Variants in VAV1 observed in about 807,000 individuals in gnomAD.
The protein encoded by VAV1 is vav guanine nucleotide exchange factor 1, also known as proto-oncogene vav.
A neutral mutation model predicts 128.1 loss-of-function variants in VAV1; 33 were observed. That is an observed-to-expected ratio of 0.26 (90% CI 0.20 to 0.34). The LOEUF (loss-of-function observed/expected upper bound fraction) is 0.34, where lower values mean the gene tolerates loss of function less well. VAV1 is among the 10% of genes least tolerant of loss of function. The probability of loss-of-function intolerance (pLI) is 1.00; values close to 1 mark genes in which losing one functional copy is unlikely to be tolerated. For synonymous variants in VAV1, 394 were observed against 409.8 expected (o/e 0.96, Z 0.47); for missense variants, 715 against 1,093.7 (o/e 0.65, Z 4.88).
At chr19:6,796,744 T>C (rs886230109) in intron 1 of VAV1, among the ~76,000 whole-genome samples, 4 of 152,138 alleles carry the variant, frequency 2.6e-5, no homozygotes, top group Non-Finnish European at 5.9e-5. Context: ...ACATTCTCCA[T>C]TCCTTTTCCT....
At chr19:6,832,671 T>C (rs548211384) in intron 15 of VAV1, among the ~76,000 whole-genome samples, 25 of 122,620 alleles carry the variant, frequency 2.0e-4, no homozygotes, top group African/African-American at 5.3e-4. Context: ...CCTCCTCCTC[T>C]TCCTCCTCTT....
At chr19:6,799,603 A>G (rs1599634167) in intron 1 of VAV1, among the ~76,000 whole-genome samples, 1 of 151,026 alleles carries the variant, frequency 6.6e-6, no homozygotes, top group African/African-American at 2.4e-5. Context: ...CCCTCTCCTA[A>G]CCCCCAGCCC....
At chr19:6,801,848 G>A (rs1971278792) in intron 1 of VAV1, among the ~76,000 whole-genome samples, 1 of 152,134 alleles carries the variant, frequency 6.6e-6, no homozygotes, top group Admixed American at 6.6e-5. Context: ...ATCTTGGGCA[G>A]GGGTTTTGTT....
At chr19:6,776,385 T>C (rs1385744904) in intron 1 of VAV1, among the ~76,000 whole-genome samples, 974 of 35,446 alleles carry the variant, frequency 0.027, no homozygotes, top group Admixed American at 0.032. Context: ...TCCATCCATC[T>C]ACCCATCCAC....
At position 6,857,224 on chromosome 19, in the gene VAV1, A is replaced by G; in HGVS notation, c.*117A>G. 7.0e-7 allele frequency: 1 copy of G among 1,418,454 alleles called. No individual in the cohort carries two copies. The highest frequency in any genetic ancestry group is 2.5e-4 in the Middle Eastern group (1 of 4,058). The allele number at this position is 1,418,454 out of a possible 1,614,324, so 87.9% of individuals were successfully genotyped here. On this transcript the variant is annotated 3_prime_UTR_variant, in exon 27 of 27. Coordinates refer to ENST00000602142, the MANE Select transcript of VAV1 (RefSeq NM_005428.4). The stretch of plus-strand genomic sequence containing the variant: ...GGGTGGAGACTTTGGGATGGACTGG[A>G]GGAGGCCAGCGTCCAGCTGGCGGTG...
intron 26 of VAV1, 108 bp from the exon 27 acceptor site, chr19:6,856,946 A>G: frequency 1.1e-6 from 1 of 885,212 alleles, no homozygotes; most frequent in Non-Finnish European, 1.9e-6. Context: ...AGACAGAAGG[A>G]AGAGCAGGTG....
chr19:6,794,496 T>A (rs1281876010), intron 1 of VAV1, among the ~76,000 whole-genome samples: 1 of 152,046 alleles, frequency 6.6e-6, no homozygotes, highest in Non-Finnish European at 1.5e-5. Context: ...CACAATGAGA[T>A]TCTGTCTCAA....
At chr19:6,779,271 T>A (rs942837705) in intron 1 of VAV1, among the ~76,000 whole-genome samples, 3 of 150,524 alleles carry the variant, frequency 2.0e-5, no homozygotes, top group African/African-American at 7.3e-5. Flanking sequence ...AGGCTGGTCT[T>A]GAACTCCTGG....
rs1971892276 is a variant in VAV1, at chr19:6,825,330, C to T, written c.751C>T (p.Leu251=). 6.2e-7 allele frequency: 1 copy of T among 1,613,280 alleles called. No homozygotes were observed. Among genetic ancestry groups the T allele is most frequent in the Non-Finnish European group, 8.5e-7 (1 of 1,179,886 alleles). ...EDLLRVHTHF[L]KEMKEALGTP... The stretch of plus-strand genomic sequence containing the variant: ...CCTGCTTCGTGTTCATACTCACTTC[C>T]TAAAGGAGATGAAGGAAGCCCTGGG... Residue 251 remains leucine (L), a synonymous_variant, in exon 8 of 27, where the codon CTA becomes TTA. Coordinates refer to ENST00000602142, the MANE Select transcript of VAV1 (RefSeq NM_005428.4).
chr19:6,774,213 C>T lies in VAV1; in HGVS notation c.204+1202C>T, dbSNP rs138056747. On this transcript the variant is annotated intron_variant, in intron 1 of 26. Transcript: ENST00000602142. ...CACCATCTCGGCTCATTGCAAGCTC[C>T]GCCTCCCAGGTTCACGTCATTCTCC... Among the ~76,000 whole-genome samples, 25 of 152,126 alleles carry T rather than the reference C, an allele frequency of 1.6e-4. No individual in the cohort carries two copies. In the Middle Eastern group the frequency reaches 0.014, roughly 83 times the overall value.
chr19:6,812,499 A>G (rs1971535352), intron 1 of VAV1, among the ~76,000 whole-genome samples: 1 of 152,074 alleles, frequency 6.6e-6, no homozygotes, highest in Non-Finnish European at 1.5e-5. Flanking sequence ...TACTAAAAAG[A>G]AAATACAAAA....
At chr19:6,795,468 T>TTTTA (rs56844379) in intron 1 of VAV1, among the ~76,000 whole-genome samples, 3,808 of 151,170 alleles carry the variant, frequency 0.025, 133 homozygotes, top group African/African-American at 0.079. Flanking sequence ...GGCGTAGTTC[T>TTTTA]TTTATTTATT....
In VAV1 at chr19:6,853,981, C is replaced by T; in HGVS notation, c.2367C>T (p.Ala789=). ...GSTKYFGTAK[A]RYDFCARDRS... ...CAAAGTATTTTGGCACAGCCAAAGC[C>T]CGCTATGACTTCTGCGCCCGAGACC... Residue 789 remains alanine (A), a synonymous_variant, in exon 26 of 27, where the codon GCC becomes GCT. Coordinates refer to ENST00000602142, the MANE Select transcript of VAV1 (RefSeq NM_005428.4). 1.2e-6 allele frequency: 2 copies of T among 1,613,386 alleles called. No individual in the cohort carries two copies. Among genetic ancestry groups the T allele is most frequent in the Admixed American group, 1.7e-5 (1 of 60,010 alleles).
intron 14 of VAV1, 53 bp from the exon 15 acceptor site, chr19:6,832,038 C>T: frequency 1.9e-6 from 3 of 1,560,364 alleles, no homozygotes; most frequent in Non-Finnish European, 2.6e-6. Flanking sequence ...TGGGTGTGTG[C>T]TCCCACCCTC....
At chr19:6,847,893 C>G in intron 22 of VAV1, 105 bp from the exon 23 acceptor site, 2 of 1,071,044 alleles carry the variant, frequency 1.9e-6, no homozygotes, top group Non-Finnish European at 2.5e-6. Flanking sequence ...CTGTCACCAA[C>G]TTAAAAAATC....
intron 21 of VAV1, among the ~76,000 whole-genome samples, chr19:6,838,924 T>A (rs1972298969): frequency 7.5e-6 from 1 of 132,828 alleles, no homozygotes; most frequent in African/African-American, 4.1e-5. Flanking sequence ...TTATTTAAGA[T>A]GGAGTTTCAC....
At chr19:6,831,941 A>C in intron 14 of VAV1, 150 bp from the exon 15 acceptor site, 3 of 616,492 alleles carry the variant, frequency 4.9e-6, no homozygotes, top group Non-Finnish European at 8.4e-6. Context: ...TATCCTAGAA[A>C]GCCCTTTTAC....
At chr19:6,829,081 G>A (rs917165251) in intron 13 of VAV1, among the ~76,000 whole-genome samples, 181 bp downstream of exon 13, 2 of 151,566 alleles carry the variant, frequency 1.3e-5, no homozygotes, top group Non-Finnish European at 2.9e-5. Flanking sequence ...GCCTGGGCAG[G>A]GGCAGAGCCA....
intron 1 of VAV1, among the ~76,000 whole-genome samples, chr19:6,814,190 A>G (rs1020234208): frequency 1.3e-5 from 2 of 152,216 alleles, no homozygotes; most frequent in African/African-American, 4.8e-5. Context: ...CTTCTAGGCT[A>G]TGGTCAATAG....
Sources: gnomAD v4.1 joint callset for allele counts (sites outside exome capture counted in the v4.1 genomes callset) on GRCh38, gnomAD v4.1.1 for gene constraint, MANE v1.5 for transcripts, NCBI Gene and HGNC (gene_info 2026-07-23, HGNC 2026-07-21) for gene names.